Variants in AHDC1 observed in about 807,000 individuals in gnomAD.
AHDC1 encodes the protein AT-hook DNA binding motif containing 1, also known as transcription factor Gibbin.
A neutral mutation model predicts 87.9 loss-of-function variants in AHDC1; 7 were observed. The ratio of observed to expected loss-of-function variants is 0.08; its 90% confidence interval spans 0.05 to 0.15. The LOEUF is 0.15. Among genes scored for constraint, AHDC1 ranks in the 10% least tolerant of loss-of-function variants. AHDC1 has a pLI of 1.00. For missense variants in AHDC1, 1,841 were observed against 2,253.2 expected (o/e 0.82, Z 3.70); for synonymous variants, 1,051 against 1,006.8 (o/e 1.04, Z -0.83).
At chr1:27,572,141 C>T (rs1451673229) in intron 3 of AHDC1, among the ~76,000 whole-genome samples, 2 of 152,020 alleles carry the variant, frequency 1.3e-5, no homozygotes, top group South Asian at 2.1e-4. Context: ...GTGGTCCAGA[C>T]GGGGTGGAAT....
At chr1:27,597,302 G>A (rs1340946615) in intron 3 of AHDC1, among the ~76,000 whole-genome samples, 1 of 152,156 alleles carries the variant, frequency 6.6e-6, no homozygotes, top group Non-Finnish European at 1.5e-5. Context: ...GATGCAGAAT[G>A]AGTGTGAGGG....
Position 27,547,182 on chromosome 1 carries a change from C to T in AHDC1, c.*43+79G>A. The T allele has an allele frequency of 1.9e-6, 2 of 1,055,454 alleles. No homozygotes were observed. The highest frequency in any genetic ancestry group is 3.3e-5 in the South Asian group (2 of 60,456). 65.4% of individuals were successfully genotyped at this position (1,055,454 alleles called of 1,614,324 possible). A position where few individuals can be genotyped will look rare whatever the true frequency, so the allele number is the denominator to read the frequency against. On this transcript the variant is annotated intron_variant, in intron 8 of 8. Transcript: ENST00000673934. This position sits in a 1 kb window ranked among gnomAD's most constrained non-coding sequence, Gnocchi z 4.9. ...CTGCATTTGCTTCCTGCACTCCATA[C>T]CTCTGTCCTTGCCTAAGCTCTGATG...
In AHDC1 at chr1:27,562,247, C is replaced by A. The variant is rs1347403261; in HGVS notation, c.-628-3364G>T. Among the ~76,000 whole-genome samples, 1 of 152,112 alleles carries A rather than the reference C, an allele frequency of 6.6e-6. No homozygotes were observed. On this transcript the variant is annotated intron_variant, in intron 3 of 8. Transcript: ENST00000673934. This position sits in a 1 kb window ranked among gnomAD's most constrained non-coding sequence, Gnocchi z 4.4. ...GCGGCCAGTGCGCCAAGCCTCCCGCCTCCTGACCCCCGAGCCTGGGAGAGA... is the reference window on the plus strand; with the variant it reads ...GCGGCCAGTGCGCCAAGCCTCCCGCATCCTGACCCCCGAGCCTGGGAGAGA...
Position 27,549,785 on chromosome 1 carries a change from G to A in AHDC1, c.2331C>T (p.Ala777=), listed in dbSNP as rs376419371. ...EWAGDKGGGW[A]PHHGHPGGQA... is the part of the protein sequence containing the mutation. ...GTCCGCCTGGGTGCCCATGGTGAGG[G>A]GCCCAGCCACCACCCTTATCCCCGG... is the stretch of plus-strand genomic sequence containing the variant. Residue 777 remains alanine, a synonymous_variant, in exon 8 of 9, where the codon GCC becomes GCT. Transcript: ENST00000673934. 1 of 1,613,322 alleles carries A rather than the reference G, an allele frequency of 6.2e-7. No homozygotes were observed. Among genetic ancestry groups the A allele is most frequent in the Non-Finnish European group, 8.5e-7 (1 of 1,179,948 alleles).
chr1:27,555,622 G>A (rs2019782061), intron 5 of AHDC1, among the ~76,000 whole-genome samples: 1 of 152,194 alleles, frequency 6.6e-6, no homozygotes, highest in Admixed American at 6.5e-5. Context: ...GAGAAAAGGG[G>A]CTCAGACTCT....
intron 3 of AHDC1, among the ~76,000 whole-genome samples, chr1:27,571,868 G>A (rs2088531865): frequency 6.6e-6 from 1 of 152,186 alleles, no homozygotes; most frequent in Non-Finnish European, 1.5e-5. Flanking sequence ...CTGTTCTGGG[G>A]GGACTGTTGC....
intron 3 of AHDC1, among the ~76,000 whole-genome samples, chr1:27,573,524 G>A (rs935759283): frequency 6.6e-6 from 1 of 152,200 alleles, no homozygotes; most frequent in African/African-American, 2.4e-5. Flanking sequence ...CTGCCCAACA[G>A]TGCATCCAAA....
chr1:27,563,909 G>A lies in AHDC1; in HGVS notation c.-628-5026C>T, dbSNP rs565320942. ...TAGTTGTGTATCTAGGGAGGGGGCT[G>A]AATGAGTGGTGGAGGGAGGGCTGTC... On this transcript the variant is annotated intron_variant, in intron 3 of 8. Transcript: ENST00000673934. The surrounding 1 kb of genome is among the most constrained non-coding windows in gnomAD (Gnocchi z 6.1). Among the ~76,000 whole-genome samples the A allele has an allele frequency of 6.6e-6, 1 of 152,290 alleles. No individual in the cohort carries two copies. The highest frequency in any genetic ancestry group is 2.1e-4 in the South Asian group (1 of 4,814).
chr1:27,591,355 C>T (rs2089215748), intron 3 of AHDC1, among the ~76,000 whole-genome samples: 1 of 152,208 alleles, frequency 6.6e-6, no homozygotes, highest in Non-Finnish European at 1.5e-5. Context: ...TGGGATCCCA[C>T]GGGGCCCTGC....
At chr1:27,569,899 T>C (rs750354210) in intron 3 of AHDC1, among the ~76,000 whole-genome samples, 4 of 152,008 alleles carry the variant, frequency 2.6e-5, no homozygotes, top group Admixed American at 2.0e-4. Flanking sequence ...GCACCTTTCC[T>C]GGGGGAGGCG....
At chr1:27,603,316 C>CG (rs2089593764) in intron 3 of AHDC1, 81 bp downstream of exon 3, 1 of 151,768 alleles carries the variant, frequency 6.6e-6, no homozygotes. Context: ...GGGACGCAGG[C>CG]CCCCCCCGTG....
At chr1:27,552,299 T>G in intron 7 of AHDC1, 110 bp from the exon 8 acceptor site, 2 of 1,083,674 alleles carry the variant, frequency 1.8e-6, no homozygotes, top group Non-Finnish European at 2.4e-6. Flanking sequence ...CTCATCTCCT[T>G]ACCAAGCTCC....
chr1:27,590,940 CT>C lies in AHDC1; in HGVS notation c.-629+12456del, dbSNP rs920025660. 2.3e-4 allele frequency among the ~76,000 whole-genome samples: 35 copies of C among 152,290 alleles called. No homozygotes were observed. Among genetic ancestry groups the C allele is most frequent in the Admixed American group, 2.2e-3 (34 of 15,300 alleles). ...GTTGGAGAGCAGGTTTGCTAAGAGACTAAGGTTGAGGAGGAGAAACGAGATG... is the reference window on the plus strand; with the variant it reads ...GTTGGAGAGCAGGTTTGCTAAGAGACAAGGTTGAGGAGGAGAAACGAGATG... On this transcript the variant is annotated intron_variant, in intron 3 of 8. Coordinates refer to ENST00000673934, the MANE Select transcript of AHDC1 (RefSeq NM_001371928.1). This position sits in a 1 kb window ranked among gnomAD's most constrained non-coding sequence, Gnocchi z 5.4.
chr1:27,583,217 C>T (rs1468110309), intron 3 of AHDC1, among the ~76,000 whole-genome samples: 1 of 152,194 alleles, frequency 6.6e-6, no homozygotes, highest in Admixed American at 6.5e-5. Context: ...TGTCACCCTC[C>T]CTATGTCCTT....
chr1:27,544,486 G>A (rs1447854925), intron 8 of AHDC1, among the ~76,000 whole-genome samples: 1 of 152,182 alleles, frequency 6.6e-6, no homozygotes, highest in African/African-American at 2.4e-5. Context: ...GACACACAGG[G>A]GCTCAGGTTG....
At chr1:27,554,283 C>T (rs1557672226) in intron 5 of AHDC1, among the ~76,000 whole-genome samples, 1 of 152,196 alleles carries the variant, frequency 6.6e-6, no homozygotes, top group South Asian at 2.1e-4. Flanking sequence ...CTACCTCTGG[C>T]CTTGTCCTGG....
intron 3 of AHDC1, among the ~76,000 whole-genome samples, chr1:27,600,474 A>C (rs534677946): frequency 6.6e-6 from 1 of 151,916 alleles, no homozygotes; most frequent in Admixed American, 6.5e-5. Context: ...AAAAAAAAAA[A>C]CAAAAAAAAT....
At chr1:27,600,568 TGG>T (rs2089503929) in intron 3 of AHDC1, among the ~76,000 whole-genome samples, 1 of 151,788 alleles carries the variant, frequency 6.6e-6, no homozygotes, top group Non-Finnish European at 1.5e-5. Context: ...CCCTGTCCAA[TGG>T]GGAACAGAAG....
chr1:27,602,220 A>G (rs2089548665), intron 3 of AHDC1, among the ~76,000 whole-genome samples: 1 of 150,854 alleles, frequency 6.6e-6, no homozygotes, highest in Admixed American at 6.6e-5. Flanking sequence ...ACCCCTCCAC[A>G]TCTGGCCCTG....
Sources: allele counts gnomAD v4.1 joint callset (sites outside exome capture counted in the v4.1 genomes callset), GRCh38; gene constraint gnomAD v4.1.1; non-coding constraint Gnocchi (gnomAD v3.1); transcripts MANE v1.5; gene names NCBI Gene and HGNC (gene_info 2026-07-23, HGNC 2026-07-21).